MTMR9: variants seen among roughly 807,000 people sequenced by gnomAD.
MTMR9 encodes the protein myotubularin-related protein 9.
A neutral mutation model predicts 69.5 loss-of-function variants in MTMR9; 39 were observed. The ratio of observed to expected loss-of-function variants is 0.56; its 90% CI spans 0.43 to 0.73. The LOEUF is 0.73. MTMR9 is among the 30% of genes least tolerant of loss of function. MTMR9 has a pLI of 0.00. For missense variants in MTMR9, 900 were observed against 671.2 expected, an observed-to-expected ratio of 1.34 and a Z score of -3.77; for synonymous variants, 354 against 240.8, an observed-to-expected ratio of 1.47 and a Z score of -4.35.
chr8:11,314,862 C>T (rs1461476875), intron 6 of MTMR9, 61 bp from the exon 7 acceptor site: 2 of 1,533,112 alleles, frequency 1.3e-6, no homozygotes, highest in African/African-American at 2.7e-5. Context: ...TTGTTATTAA[C>T]AGAGTTCATT....
rs537340251 is a variant in MTMR9 at position 11,300,284 on chromosome 8, G to C, written c.417+136G>C. ...ATTCCTAATCTTAATATATTTAAAA[G>C]GATTGAAGCCATGCAGAGTATGATC... On this transcript the variant is annotated intron_variant, in intron 3 of 9. Coordinates refer to ENST00000221086, the MANE Select transcript of MTMR9 (RefSeq NM_015458.4). The C allele has an allele frequency of 6.0e-5, 56 of 931,862 alleles. No homozygotes were observed. The African/African-American group carries it at 8.4e-4, about 14-fold the overall frequency. 57.7% of individuals were successfully genotyped at this position (931,862 alleles called of 1,614,324 possible). A position where few individuals can be genotyped will look rare whatever the true frequency, so the allele number is the denominator to read the frequency against.
intron 3 of MTMR9, 139 bp from the exon 4 acceptor site, chr8:11,304,702 C>G (rs1799876214): frequency 5.0e-6 from 4 of 797,974 alleles, no homozygotes; most frequent in Non-Finnish European, 8.0e-6. Context: ...TACATATAAG[C>G]TAGAGATCCA....
At chr8:11,288,425 G>T (rs1246274627) in intron 1 of MTMR9, among the ~76,000 whole-genome samples, 7 of 149,682 alleles carry the variant, frequency 4.7e-5, no homozygotes, top group African/African-American at 1.7e-4. Flanking sequence ...AGAGGATAAA[G>T]AGCACTGGGA....
downstream of MTMR9, chr8:11,330,880 C>T: frequency 3.3e-6 from 3 of 899,120 alleles, no homozygotes; most frequent in South Asian, 4.0e-5. Flanking sequence ...CCTGCCAAAT[C>T]CCCCTCTGCG....
At chr8:11,315,516 A>C (rs996942804) in intron 7 of MTMR9, among the ~76,000 whole-genome samples, 6 of 152,232 alleles carry the variant, frequency 3.9e-5, no homozygotes, top group Non-Finnish European at 8.8e-5. Flanking sequence ...ATGGCTGCCA[A>C]AATAAAAGTC....
chr8:11,316,028 A>T (rs563092875), intron 7 of MTMR9: 1 of 152,368 alleles, frequency 6.6e-6, no homozygotes, highest in South Asian at 2.1e-4. Context: ...GTTCTGAACA[A>T]GACAGTCAAA....
intron 3 of MTMR9, chr8:11,300,454 T>A (rs1435281): frequency 0.019 from 3,543 of 184,948 alleles, 125 homozygotes; most frequent in African/African-American, 0.076. Context: ...GTGATAATGG[T>A]TATGTAACAT....
At chr8:11,294,500 CTT>C (rs61227530) in intron 1 of MTMR9, among the ~76,000 whole-genome samples, 62 of 105,792 alleles carry the variant, frequency 5.9e-4, no homozygotes, top group East Asian at 1.4e-3. Flanking sequence ...AATACTTTCA[CTT>C]TTTTTTTTTT....
rs374898338 is a variant in MTMR9, at chr8:11,306,314, T to G, written c.716T>G (p.Leu239Arg). 4 of 1,614,068 alleles carry G rather than the reference T, an allele frequency of 2.5e-6. No homozygotes were observed. Among genetic ancestry groups the G allele is most frequent in the Non-Finnish European group, 3.4e-6 (4 of 1,179,960 alleles). Residue 239 changes from leucine (L) to arginine (R), a missense_variant, in exon 5 of 10, where the codon CTG becomes CGG. By Grantham distance (102) the Leu-to-Arg change is moderately radical. Coordinates refer to ENST00000221086, the MANE Select transcript of MTMR9 (RefSeq NM_015458.4). ...KRGYIIDTRS[L>R]NVAQQTRAKG... ...GGCTACATCATTGACACCCGATCCC[T>G]GAACGTGGCTCAGCAAACTAGAGCC...
At chr8:11,329,362 G>C (rs530488453), downstream of MTMR9, among the ~76,000 whole-genome samples, 157 of 152,326 alleles carry the variant, frequency 1.0e-3, 1 homozygote, top group African/African-American at 3.3e-3. Flanking sequence ...CTCTGATGCC[G>C]AGCCAAAGCT....
intron 1 of MTMR9, among the ~76,000 whole-genome samples, chr8:11,290,115 AAC>A (rs1799328102): frequency 6.6e-6 from 1 of 152,142 alleles, no homozygotes; most frequent in Admixed American, 6.5e-5. Flanking sequence ...CTTTCTTACC[AAC>A]ATTTGGTATT....
chr8:11,334,527 A>G, the MTMR9 span, among the ~76,000 whole-genome samples: 1 of 152,092 alleles, frequency 6.6e-6, no homozygotes, highest in African/African-American at 2.4e-5. Context: ...ACAAGAAGAA[A>G]TGAGAAGGGA....
At position 11,284,881 on chromosome 8, in the gene MTMR9, G is replaced by T; in HGVS notation, c.-8G>T. The T allele has an allele frequency of 6.8e-7, 1 of 1,462,726 alleles. No homozygotes were observed. The highest frequency in any genetic ancestry group is 9.0e-7 in the Non-Finnish European group (1 of 1,114,414). The allele number at this position is 1,462,726 out of a possible 1,614,324, so 90.6% of individuals were successfully genotyped here. A position where few individuals can be genotyped will look rare whatever the true frequency, so the allele number is the denominator to read the frequency against. On this transcript the variant is annotated 5_prime_UTR_variant, in exon 1 of 10. Coordinates refer to ENST00000221086, the MANE Select transcript of MTMR9 (RefSeq NM_015458.4). ...GGCTCGGTTCCCTGGCTCCGGCCGC[G>T]GGGGAGCATGGAGTTTGCGGAGCTG... is the stretch of plus-strand genomic sequence containing the variant.
intron 8 of MTMR9, chr8:11,318,885 T>C (rs1447958660): frequency 2.0e-5 from 3 of 152,074 alleles, no homozygotes; most frequent in Non-Finnish European, 4.4e-5. Context: ...ACCTCCACTT[T>C]TAATATTAGT....
At chr8:11,322,169 T>G (rs1189584233) in intron 9 of MTMR9, among the ~76,000 whole-genome samples, 1 of 152,162 alleles carries the variant, frequency 6.6e-6, no homozygotes, top group African/African-American at 2.4e-5. Context: ...ACAACATATG[T>G]GGTTCTGCTT....
At chr8:11,315,304 A>T (rs1230109577) in intron 7 of MTMR9, among the ~76,000 whole-genome samples, 2 of 152,212 alleles carry the variant, frequency 1.3e-5, no homozygotes, top group Non-Finnish European at 2.9e-5. Flanking sequence ...TATCACATAC[A>T]GGAGAAATAC....
At position 11,326,568 on chromosome 8, in the gene MTMR9, T is replaced by C. The variant is rs745410591; in HGVS notation, c.*3780T>C. On this transcript the variant is annotated 3_prime_UTR_variant, in exon 10 of 10. Coordinates refer to ENST00000221086, the MANE Select transcript of MTMR9 (RefSeq NM_015458.4). ...GTTTATACTATACCTCAAGACCACA[T>C]AGATTAGCTACTGCTTATTCTTTCA... 2 of 152,184 alleles carry C rather than the reference T, an allele frequency of 1.3e-5. No homozygotes were observed. The highest frequency in any genetic ancestry group is 2.9e-5 in the Non-Finnish European group (2 of 68,032). 9.4% of individuals were successfully genotyped at this position (152,184 alleles called of 1,614,324 possible).
rs537193324 is a variant in MTMR9 at position 11,291,436 on chromosome 8, G to C, written c.183-3758G>C. ...AAATGCTGTGATAGGGATGTATACA[G>C]GGCATGGATGGGACAATAAGGACAA... On this transcript the variant is annotated intron_variant, in intron 1 of 9. Coordinates refer to ENST00000221086, the MANE Select transcript of MTMR9 (RefSeq NM_015458.4). Among the ~76,000 whole-genome samples, 7 of 152,228 alleles carry C rather than the reference G, an allele frequency of 4.6e-5. No individual in the cohort carries two copies. The East Asian group carries it at 1.2e-3, about 25-fold the overall frequency.
At chr8:11,318,643 A>G (rs1287926275) in intron 8 of MTMR9, 1 of 152,188 alleles carries the variant, frequency 6.6e-6, no homozygotes, top group Admixed American at 6.5e-5. Flanking sequence ...AAACATGCCG[A>G]TCGACTGTTA....
Sources: gnomAD v4.1 joint callset for allele counts (sites outside exome capture counted in the v4.1 genomes callset) on GRCh38, gnomAD v4.1.1 for gene constraint, MANE v1.5 for transcripts, NCBI Gene and HGNC (gene_info 2026-07-23, HGNC 2026-07-21) for gene names.